The following RBM33 variants were observed in gnomAD, a reference collection of about 807,000 sequenced individuals.
RBM33 encodes RNA binding motif protein 33.
RBM33 carries 28 observed loss-of-function variants against 132.6 expected under a neutral mutation model. The ratio of observed to expected loss-of-function variants is 0.21; its 90% CI spans 0.16 to 0.29. The LOEUF (loss-of-function observed/expected upper bound fraction) is 0.29. Ranked by LOEUF, RBM33 falls within the 10% of genes least tolerant of loss-of-function variation. The pLI is 1.00. For synonymous variants in RBM33, 634 were observed against 593.0 expected (o/e 1.07, Z -1.01); for missense variants, 1,291 against 1,518.5 (o/e 0.85, Z 2.49).
At chr7:155,772,858 C>A (rs578093783) in intron 16 of RBM33, among the ~76,000 whole-genome samples, 2 of 152,194 alleles carry the variant, frequency 1.3e-5, no homozygotes, top group African/African-American at 4.8e-5. Context: ...TCTGTGTAAA[C>A]GCTGTTGTAG....
Position 155,681,924 on chromosome 7 carries a change from GT to G in RBM33, c.567+1029del, listed in dbSNP as rs1255316906. On this transcript the variant is annotated intron_variant, in intron 5 of 17. Transcript: ENST00000401878. Reference sequence around the variant, plus strand: ...ATGATTGTATTTAGGTGTCTCAGTAGTTTTTTTTTTTTTCTAGACGGACTCT... The same window carrying G: ...ATGATTGTATTTAGGTGTCTCAGTAGTTTTTTTTTTTTCTAGACGGACTCT... Among the ~76,000 whole-genome samples the G allele has an allele frequency of 3.4e-4, 50 of 146,638 alleles. 1 individual carries two copies. The highest frequency in any genetic ancestry group is 1.8e-3 in the Admixed American group (26 of 14,636).
intron 2 of RBM33, among the ~76,000 whole-genome samples, chr7:155,667,135 C>G (rs185361268): frequency 1.9e-4 from 29 of 152,222 alleles, no homozygotes; most frequent in African/African-American, 6.7e-4. Context: ...ATGCCACTTC[C>G]GAATGCTTCA....
At chr7:155,708,004 G>A (rs73167138) in intron 7 of RBM33, among the ~76,000 whole-genome samples, 4,162 of 152,306 alleles carry the variant, frequency 0.027, 70 homozygotes, top group Middle Eastern at 0.037. Flanking sequence ...TTTTTACTTA[G>A]AAGTCAGTCT....
intron 5 of RBM33, among the ~76,000 whole-genome samples, chr7:155,682,989 A>G (rs1398402698): frequency 2.0e-5 from 3 of 150,854 alleles, no homozygotes; most frequent in Admixed American, 1.3e-4. Flanking sequence ...TTTTTTTTTC[A>G]GAATTAAAGT....
chr7:155,665,408 C>T (rs1273664683), intron 2 of RBM33, among the ~76,000 whole-genome samples, 155 bp downstream of exon 2: 2 of 152,200 alleles, frequency 1.3e-5, no homozygotes, highest in Non-Finnish European at 2.9e-5. Context: ...GAAGCTTCTC[C>T]ATGCAGAAGG....
At chr7:155,678,586 T>G (rs763573909) in intron 3 of RBM33, 22 bp from the exon 4 acceptor site, 1 of 1,390,728 alleles carries the variant, frequency 7.2e-7, no homozygotes, top group Admixed American at 2.0e-5. Context: ...CACACATTAA[T>G]TATATTTCTT....
intron 8 of RBM33, among the ~76,000 whole-genome samples, chr7:155,715,229 C>G (rs1014608659): frequency 5.3e-5 from 8 of 152,172 alleles, no homozygotes; most frequent in African/African-American, 1.9e-4. Flanking sequence ...TCAAGTAATC[C>G]TTTGCATCTT....
chr7:155,662,425 C>T (rs1029497726), intron 1 of RBM33, among the ~76,000 whole-genome samples: 1 of 152,160 alleles, frequency 6.6e-6, no homozygotes, highest in African/African-American at 2.4e-5. Flanking sequence ...CCAGAACTCT[C>T]CCTCACTGTT....
intron 16 of RBM33, among the ~76,000 whole-genome samples, chr7:155,773,849 G>A (rs774559860): frequency 1.1e-4 from 17 of 152,278 alleles, no homozygotes; most frequent in Non-Finnish European, 2.1e-4. Context: ...TGTAAGTTTC[G>A]CTTTGCAAAC....
At chr7:155,771,475 G>A (rs1478071872) in intron 16 of RBM33, among the ~76,000 whole-genome samples, 2 of 152,192 alleles carry the variant, frequency 1.3e-5, no homozygotes, top group Non-Finnish European at 2.9e-5. Context: ...TTGAGTGACT[G>A]AAAACCAAGG....
chr7:155,662,916 C>T (rs1027184974), intron 1 of RBM33, among the ~76,000 whole-genome samples: 2 of 152,100 alleles, frequency 1.3e-5, no homozygotes, highest in African/African-American at 4.8e-5. Context: ...GGAGTCTTAG[C>T]ATTACTGAGT....
At chr7:155,748,107 GCA>G (rs1181895448) in intron 14 of RBM33, among the ~76,000 whole-genome samples, 1 of 152,194 alleles carries the variant, frequency 6.6e-6, no homozygotes, top group African/African-American at 2.4e-5. Flanking sequence ...CAGGAGCTTG[GCA>G]TCTGGGGAGG....
At chr7:155,692,872 T>G (rs537968682) in intron 5 of RBM33, among the ~76,000 whole-genome samples, 1 of 152,216 alleles carries the variant, frequency 6.6e-6, no homozygotes, top group Non-Finnish European at 1.5e-5. Context: ...AGTATTTGTT[T>G]GCAGCATTGA....
At chr7:155,692,539 C>A (rs772489848) in intron 5 of RBM33, among the ~76,000 whole-genome samples, 209 of 152,264 alleles carry the variant, frequency 1.4e-3, no homozygotes, top group Non-Finnish European at 2.3e-3. Flanking sequence ...ACACAACCTC[C>A]TATGTGTGCA....
intron 3 of RBM33, among the ~76,000 whole-genome samples, chr7:155,677,622 TGTG>T (rs1186658193): frequency 6.6e-6 from 1 of 152,210 alleles, no homozygotes; most frequent in Non-Finnish European, 1.5e-5. Flanking sequence ...TTTATCTTAT[TGTG>T]GTGTCAGTGA....
Position 155,780,193 on chromosome 7 carries a change from A to T in RBM33, c.*5152A>T, listed in dbSNP as rs1485669708. 1.3e-5 allele frequency: 2 copies of T among 152,220 alleles called. No individual in the cohort carries two copies. The highest frequency in any genetic ancestry group is 2.9e-5 in the Non-Finnish European group (2 of 68,042). 9.4% of individuals were successfully genotyped at this position (152,220 alleles called of 1,614,324 possible). ...TGTAAGCTGTATGCGTTCTAGCTGTATGCGTTCTGTAGTCTTTTCTTAGGT... is the reference window on the plus strand; with the variant it reads ...TGTAAGCTGTATGCGTTCTAGCTGTTTGCGTTCTGTAGTCTTTTCTTAGGT... On this transcript the variant is annotated 3_prime_UTR_variant, in exon 18 of 18. Transcript: ENST00000401878.
At chr7:155,660,970 G>C (rs1798622065) in intron 1 of RBM33, among the ~76,000 whole-genome samples, 2 of 151,684 alleles carry the variant, frequency 1.3e-5, no homozygotes, top group South Asian at 4.2e-4. Context: ...TCTGTTATCT[G>C]TTTTCAAGTT....
At chr7:155,646,550 C>T (rs1047582966) in intron 1 of RBM33, among the ~76,000 whole-genome samples, 1 of 152,194 alleles carries the variant, frequency 6.6e-6, no homozygotes, top group Non-Finnish European at 1.5e-5. Flanking sequence ...TGATTGCTTC[C>T]TTTATCCTGG....
intron 3 of RBM33, among the ~76,000 whole-genome samples, chr7:155,673,939 A>ATTTT (rs1799082071): frequency 7.0e-5 from 1 of 14,346 alleles, no homozygotes; most frequent in African/African-American, 2.8e-4. Flanking sequence ...GTTTAGGCTT[A>ATTTT]GTTTTTTTTT....
Sources: gnomAD v4.1 joint callset for allele counts (sites outside exome capture counted in the v4.1 genomes callset) on GRCh38, gnomAD v4.1.1 for gene constraint, MANE v1.5 for transcripts, NCBI Gene and HGNC (gene_info 2026-07-23, HGNC 2026-07-21) for gene names.